PTGER4: variants seen among roughly 807,000 people sequenced by gnomAD.
PTGER4 encodes prostaglandin E receptor 4.
In PTGER4, 11 loss-of-function variants were observed where a neutral mutation model predicts 33.2. That is an observed-to-expected ratio of 0.33 (90% CI 0.21 to 0.55). The LOEUF is 0.55. Among genes scored for constraint, PTGER4 ranks in the 20% least tolerant of loss-of-function variants. The pLI, the probability that PTGER4 is intolerant of heterozygous loss-of-function variation, is 0.92. For synonymous variants in PTGER4, 275 were observed against 281.5 expected, an observed-to-expected ratio of 0.98 and a Z score of 0.23; for missense variants, 481 against 650.2, an observed-to-expected ratio of 0.74 and a Z score of 2.83.
chr5:40,704,748 C>A, the PTGER4 span, among the ~76,000 whole-genome samples: 1 of 152,078 alleles, frequency 6.6e-6, no homozygotes, highest in African/African-American at 2.4e-5. Context: ...AATAAAATAT[C>A]CAGGAATACA....
At chr5:40,708,506 C>A in the PTGER4 span, among the ~76,000 whole-genome samples, 3 of 152,136 alleles carry the variant, frequency 2.0e-5, no homozygotes, top group Admixed American at 6.5e-5. Context: ...TCTGAATAGA[C>A]CAATAACAGG....
At chr5:40,724,413 T>A in the PTGER4 span, among the ~76,000 whole-genome samples, 6 of 151,818 alleles carry the variant, frequency 4.0e-5, no homozygotes, top group African/African-American at 1.5e-4. Context: ...GGCAGGAGGA[T>A]CATGAGGTCA....
the PTGER4 span, among the ~76,000 whole-genome samples, chr5:40,735,655 A>T: frequency 6.6e-6 from 1 of 152,368 alleles, no homozygotes; most frequent in East Asian, 1.9e-4. Context: ...ATGATTGTTG[A>T]TCTGGAGAGC....
chr5:40,706,804 A>G, the PTGER4 span, among the ~76,000 whole-genome samples: 1 of 152,188 alleles, frequency 6.6e-6, no homozygotes, highest in Non-Finnish European at 1.5e-5. Context: ...CCACAAAGAA[A>G]AGCCTATCAG....
the PTGER4 span, among the ~76,000 whole-genome samples, chr5:40,708,942 T>C: frequency 6.6e-6 from 1 of 152,216 alleles, no homozygotes; most frequent in African/African-American, 2.4e-5. Flanking sequence ...CACATGATTA[T>C]CTCAATAGAT....
At chr5:40,724,665 CAG>C in the PTGER4 span, among the ~76,000 whole-genome samples, 5 of 151,116 alleles carry the variant, frequency 3.3e-5, no homozygotes, top group Non-Finnish European at 7.4e-5. Context: ...CAAAAAAAAA[CAG>C]AACAATAATA....
chr5:40,702,280 C>T, the PTGER4 span, among the ~76,000 whole-genome samples: 1 of 152,132 alleles, frequency 6.6e-6, no homozygotes, highest in Non-Finnish European at 1.5e-5. Flanking sequence ...TCAAGAGACC[C>T]ATCTCACACA....
At chr5:40,689,535 C>T (rs1741416270) in intron 2 of PTGER4, among the ~76,000 whole-genome samples, 1 of 152,056 alleles carries the variant, frequency 6.6e-6, no homozygotes, top group South Asian at 2.1e-4. Flanking sequence ...AATATCCTGA[C>T]CCAAATATTG....
At chr5:40,738,433 AAT>A in the PTGER4 span, among the ~76,000 whole-genome samples, 28 of 77,382 alleles carry the variant, frequency 3.6e-4, no homozygotes, top group African/African-American at 1.2e-3. Context: ...AATAAAATAA[AAT>A]ATAAAATAAA....
chr5:40,725,730 A>C, the PTGER4 span, among the ~76,000 whole-genome samples: 1 of 146,524 alleles, frequency 6.8e-6, no homozygotes, highest in Non-Finnish European at 1.5e-5. Context: ...TTCCTTTCTC[A>C]CCATCCCCAT....
rs1169105052 is a variant in PTGER4 at position 40,681,679 on chromosome 5, A to ACGCGGC, written c.696_701dup (p.Ala233_Ala234dup). 5 of 1,574,534 alleles carry ACGCGGC rather than the reference A, an allele frequency of 3.2e-6. No homozygotes were observed. Among genetic ancestry groups the ACGCGGC allele is most frequent in the African/African-American group, 1.4e-5 (1 of 74,006 alleles). ...ACCTCGCTGGGCACCGAGCAGCACCACGCGGCCGCGGCCGCCTCGGTTGCC... is the reference window on the plus strand; with the variant it reads ...ACCTCGCTGGGCACCGAGCAGCACCACGCGGCCGCGGCCGCGGCCGCCTCGGTTGCC... On this transcript the variant is annotated inframe_insertion, in exon 2 of 3. Coordinates refer to ENST00000302472, the MANE Select transcript of PTGER4 (RefSeq NM_000958.3). The surrounding 1 kb of genome is among the most constrained non-coding windows in gnomAD (Gnocchi z 9.8).
chr5:40,692,163 G>A lies in PTGER4; in HGVS notation c.1252G>A (p.Val418Met), dbSNP rs757885089. 1.2e-6 allele frequency: 2 copies of A among 1,614,224 alleles called. No individual in the cohort carries two copies. Among genetic ancestry groups the A allele is most frequent in the East Asian group, 2.2e-5 (1 of 44,868 alleles). The stretch of plus-strand genomic sequence containing the variant: ...TGGAGGCAGGAATTTGCTTCCAGGT[G>A]TGCCTGGCATGGGCCTGGCCCAGGA... ...GLGGRNLLPGVPGMGLAQEDT... is the reference protein window; with the variant it reads ...GLGGRNLLPGMPGMGLAQEDT... Residue 418 changes from valine to methionine, a missense_variant, in exon 3 of 3, where the codon GTG (valine) becomes ATG (methionine). Physicochemically the swap from Val to Met is conservative, Grantham distance 21 (BLOSUM62 1). This residue lies in a region of PTGER4 where 172 missense variants were observed against 199.2 expected (regional missense o/e 0.86). Coordinates refer to ENST00000302472, the MANE Select transcript of PTGER4 (RefSeq NM_000958.3).
chr5:40,741,412 G>C, the PTGER4 span, among the ~76,000 whole-genome samples: 1 of 152,180 alleles, frequency 6.6e-6, no homozygotes, highest in Non-Finnish European at 1.5e-5. Flanking sequence ...TGAACGCTAC[G>C]AATGGTTCAG....
chr5:40,722,759 C>A, the PTGER4 span, among the ~76,000 whole-genome samples: 1 of 151,692 alleles, frequency 6.6e-6, no homozygotes, highest in African/African-American at 2.4e-5. Flanking sequence ...CGGCCAGACG[C>A]CCCGTCCCGG....
chr5:40,681,642 T>A lies in PTGER4; in HGVS notation c.649T>A (p.Phe217Ile). ...CGALLRMHRQ[F>I]MRRTSLGTEQ... is the part of the protein sequence containing the mutation. ...CGCGCTGCTCCGCATGCACCGCCAG[T>A]TCATGCGCCGCACCTCGCTGGGCAC... The change falls in exon 2 of 3, where the codon TTC becomes ATC. Residue 217 changes from phenylalanine (F) to isoleucine (I), a missense_variant. By Grantham distance (21) the Phe-to-Ile change is conservative. Around this residue, in one of 7 missense-constraint regions of PTGER4, gnomAD observed 174 missense variants for 210.5 expected, o/e 0.83. Coordinates refer to ENST00000302472, the MANE Select transcript of PTGER4 (RefSeq NM_000958.3). The surrounding 1 kb of genome is among the most constrained non-coding windows in gnomAD (Gnocchi z 9.8). 6.2e-7 allele frequency: 1 copy of A among 1,600,946 alleles called. No homozygotes were observed.
rs537146577 is a variant in PTGER4, at chr5:40,691,469, C to T, written c.868-310C>T. Among the ~76,000 whole-genome samples the T allele has an allele frequency of 9.2e-5, 14 of 152,306 alleles. No individual in the cohort carries two copies. Among genetic ancestry groups the T allele is most frequent in the African/African-American group, 2.4e-4 (10 of 41,584 alleles). On this transcript the variant is annotated intron_variant, in intron 2 of 2. Transcript: ENST00000302472. This position sits in a 1 kb window ranked among gnomAD's most constrained non-coding sequence, Gnocchi z 4.2. Reference sequence around the variant, plus strand: ...TGCTGGGATTACAGGCGTGAGCCACCGCACCCAGCCTAATGTTTGTATTTT... The same window carrying T: ...TGCTGGGATTACAGGCGTGAGCCACTGCACCCAGCCTAATGTTTGTATTTT...
chr5:40,717,229 C>CAG, the PTGER4 span, among the ~76,000 whole-genome samples: 1 of 108,902 alleles, frequency 9.2e-6, no homozygotes, highest in African/African-American at 3.5e-5. Context: ...AACTCCATCT[C>CAG]AAAAAAAAAA....
At chr5:40,741,702 A>G in the PTGER4 span, among the ~76,000 whole-genome samples, 17,136 of 152,122 alleles carry the variant, frequency 0.11, 1,293 homozygotes, top group Non-Finnish European at 0.17. Flanking sequence ...AAATTAAGGG[A>G]GCTCAGCCAC....
the PTGER4 span, among the ~76,000 whole-genome samples, chr5:40,710,846 A>G: frequency 6.6e-6 from 1 of 152,052 alleles, no homozygotes; most frequent in Non-Finnish European, 1.5e-5. Flanking sequence ...CAAACATCAC[A>G]TGTTCTCACT....
Sources: gnomAD v4.1 joint callset for allele counts (sites outside exome capture counted in the v4.1 genomes callset) on GRCh38, gnomAD v4.1.1 for gene constraint, gnomAD v4.1.1 regional missense constraint, Gnocchi (gnomAD v3.1) non-coding constraint, MANE v1.5 for transcripts, NCBI Gene and HGNC (gene_info 2026-07-23, HGNC 2026-07-21) for gene names.